The following TRA2B variants were observed in gnomAD, a reference collection of about 807,000 sequenced individuals.
TRA2B encodes the protein transformer 2 beta homolog, also known as transformer-2 protein homolog beta.
A neutral mutation model predicts 41.7 loss-of-function variants in TRA2B; 14 were observed. The observed-to-expected ratio is 0.34, with a 90% CI of 0.22 to 0.53. TRA2B has a LOEUF of 0.53. TRA2B is among the 20% of genes least tolerant of loss of function. The probability of loss-of-function intolerance (pLI) is 0.95; values close to 1 mark genes in which losing one functional copy is unlikely to be tolerated. For missense variants in TRA2B, 167 were observed against 396.8 expected (o/e 0.42, Z 4.92); for synonymous variants, 130 against 128.8 (o/e 1.01, Z -0.06).
intron 1 of TRA2B, chr3:185,935,892 A>T (rs1369378853): frequency 1.0e-6 from 1 of 984,642 alleles, no homozygotes; most frequent in African/African-American, 1.8e-5. Flanking sequence ...GAAGACTCTT[A>T]TGTAAGAAAA....
rs116585101 is a variant in TRA2B, at chr3:185,937,948, C to T, written c.-88G>A. 272 of 1,525,890 alleles carry T rather than the reference C, an allele frequency of 1.8e-4. 1 individual carries two copies. In the African/African-American group the frequency reaches 3.3e-3, roughly 18 times the overall value. 94.5% of individuals were successfully genotyped at this position (1,525,890 alleles called of 1,614,324 possible). On this transcript the variant is annotated 5_prime_UTR_variant, in exon 1 of 9. Transcript: ENST00000453386. ...CCTTAAGGAGGCTCCGCCGCAGCCC[C>T]GCACGACGCGCCGGTCGCCCAGCCG...
intron 1 of TRA2B, chr3:185,935,406 G>C (rs1006859199): frequency 1.6e-4 from 153 of 985,238 alleles, no homozygotes; most frequent in Non-Finnish European, 1.8e-4. Flanking sequence ...TTCTTTAAAT[G>C]TCATTATATT....
intron 3 of TRA2B, chr3:185,924,608 T>C (rs969363355): frequency 9.2e-5 from 14 of 152,524 alleles, no homozygotes; most frequent in African/African-American, 3.4e-4. Flanking sequence ...GCTCAGGAGT[T>C]TTGAGACTAG....
At chr3:185,927,584 A>G (rs1185539774) in intron 1 of TRA2B, 1 of 152,078 alleles carries the variant, frequency 6.6e-6, no homozygotes, top group South Asian at 2.1e-4. Context: ...CAGGAAGCAA[A>G]AGAGTACAGA....
At chr3:185,931,678 C>T in intron 1 of TRA2B, 6 of 1,279,700 alleles carry the variant, frequency 4.7e-6, no homozygotes, top group South Asian at 2.6e-5. Context: ...TTTCATCTTC[C>T]CCACTTCACA....
chr3:185,921,899 C>T (rs1743758439), intron 5 of TRA2B, 112 bp downstream of exon 5: 1 of 654,764 alleles, frequency 1.5e-6, no homozygotes, highest in East Asian at 2.9e-5. Context: ...TTTAATCAAT[C>T]AACAGTCAAG....
At chr3:185,931,804 T>C (rs186122722) in intron 1 of TRA2B, 67 of 1,511,410 alleles carry the variant, frequency 4.4e-5, no homozygotes, top group Non-Finnish European at 5.7e-5. Context: ...TACTCATTTA[T>C]AAAACTTGTC....
intron 1 of TRA2B, chr3:185,936,677 T>TC: frequency 1.9e-6 from 1 of 534,730 alleles, no homozygotes; most frequent in Non-Finnish European, 2.2e-6. Flanking sequence ...TAACAAATTG[T>TC]TTTTTTTTTT....
In TRA2B at chr3:185,916,744, TTTTTC is replaced by T. The variant is rs1281078235; in HGVS notation, c.*966_*970del. On this transcript the variant is annotated 3_prime_UTR_variant, in exon 9 of 9. Coordinates refer to ENST00000453386, the MANE Select transcript of TRA2B (RefSeq NM_004593.3). ...TTCTTTGTGAACAGCTGCACCAACATTTTTCTTTTCATTTGCGTTTATTTAAACAC... is the reference window on the plus strand; with the variant it reads ...TTCTTTGTGAACAGCTGCACCAACATTTTTCATTTGCGTTTATTTAAACAC... The T allele has an allele frequency of 1.3e-5, 2 of 152,618 alleles. No individual in the cohort carries two copies. The highest frequency in any genetic ancestry group is 2.4e-5 in the African/African-American group (1 of 41,444). 9.5% of individuals were successfully genotyped at this position (152,618 alleles called of 1,614,324 possible).
chr3:185,917,783 T>G, intron 8 of TRA2B, 58 bp from the exon 9 acceptor site: 4 of 1,559,336 alleles, frequency 2.6e-6, no homozygotes, highest in Non-Finnish European at 3.5e-6. Context: ...TCAAGTATAC[T>G]TTAATGCCGA....
chr3:185,929,271 C>A (rs1218819447), intron 1 of TRA2B, among the ~76,000 whole-genome samples: 1 of 152,124 alleles, frequency 6.6e-6, no homozygotes, highest in African/African-American at 2.4e-5. Context: ...AACTTGCCTA[C>A]AAGAAATAAG....
rs1441153790 is a variant in TRA2B at position 185,923,811 on chromosome 3, T to C, written c.507A>G (p.Val169=). The C allele has an allele frequency of 1.9e-6, 3 of 1,610,704 alleles. No homozygotes were observed. The highest frequency in any genetic ancestry group is 1.7e-5 in the Admixed American group (1 of 59,146). The change falls in exon 4 of 9, where the codon GTA becomes GTG. Residue 169 remains valine, a synonymous_variant. Transcript: ENST00000453386. The part of the protein sequence containing the change: ...RGFAFVYFEN[V]DDAKEAKERA... Reference sequence around the variant, plus strand: ...TTTTACTTACTTCCTTGGCATCATCTACATTTTCAAAATATACAAAGGCAA... The same window carrying C: ...TTTTACTTACTTCCTTGGCATCATCCACATTTTCAAAATATACAAAGGCAA...
intron 1 of TRA2B, among the ~76,000 whole-genome samples, chr3:185,933,932 T>A (rs548097257): frequency 6.6e-6 from 1 of 152,224 alleles, no homozygotes; most frequent in South Asian, 2.1e-4. Flanking sequence ...AGGGGCCCCT[T>A]ATCCAAACTG....
Position 185,926,572 on chromosome 3 carries a change from CGAGGAAATCTCAA to C in TRA2B, c.170+16_170+28del, listed in dbSNP as rs1743962121. ...GCACCAATTTCAGAGCTAAGAGTAA[CGAGGAAATCTCAA>C]GACAGTCTTTCTTACCTAGATTCAG... On this transcript the variant is annotated intron_variant, in intron 2 of 8. Coordinates refer to ENST00000453386, the MANE Select transcript of TRA2B (RefSeq NM_004593.3). The C allele has an allele frequency of 6.2e-7, 1 of 1,612,336 alleles. No individual in the cohort carries two copies. The highest frequency in any genetic ancestry group is 1.3e-5 in the African/African-American group (1 of 74,834).
intron 6 of TRA2B, among the ~76,000 whole-genome samples, chr3:185,920,086 A>G (rs1470435337): frequency 1.3e-5 from 2 of 152,194 alleles, no homozygotes; most frequent in African/African-American, 4.8e-5. Context: ...TTTTTAAACT[A>G]TGATTGACAT....
chr3:185,937,203 G>A lies in TRA2B; in HGVS notation c.36+622C>T, dbSNP rs1744395998. ...CTCACGCAATCCCCTCCACCTAACG[G>A]GCCCAGAACTTAGTCGGCCTTGGAT... On this transcript the variant is annotated intron_variant, in intron 1 of 8. Coordinates refer to ENST00000453386, the MANE Select transcript of TRA2B (RefSeq NM_004593.3). 5 of 985,500 alleles carry A rather than the reference G, an allele frequency of 5.1e-6. No individual in the cohort carries two copies. In the South Asian group the frequency reaches 1.4e-4, roughly 28 times the overall value. 61.0% of individuals were successfully genotyped at this position (985,500 alleles called of 1,614,324 possible). A position where few individuals can be genotyped will look rare whatever the true frequency, so the allele number is the denominator to read the frequency against.
rs1364224258 is a variant in TRA2B, at chr3:185,917,716, T to C, written c.866A>G (p.Ter289=). 1 of 1,613,518 alleles carries C rather than the reference T, an allele frequency of 6.2e-7. No individual in the cohort carries two copies. The highest frequency in any genetic ancestry group is 1.1e-5 in the South Asian group (1 of 91,008). ...CAGGTTTCAGAAAGTCTTCATGCTT[T>C]AATAGCGACCTGGGAAGAAAAGAAT... is the stretch of plus-strand genomic sequence containing the variant. ...RSRSYSPRRY[*] The change falls in exon 9 of 9, where the codon TAA becomes TGA. Residue 289 remains the stop codon, a stop_retained_variant. Transcript: ENST00000453386.
In TRA2B at chr3:185,916,348, C is replaced by T. The variant is rs1302385232; in HGVS notation, c.*1367G>A. The T allele has an allele frequency of 6.6e-6, 1 of 152,142 alleles. No individual in the cohort carries two copies. Among genetic ancestry groups the T allele is most frequent in the Non-Finnish European group, 1.5e-5 (1 of 68,020 alleles). The allele number at this position is 152,142 out of a possible 1,614,324, so 9.4% of individuals were successfully genotyped here. A position where few individuals can be genotyped will look rare whatever the true frequency, so the allele number is the denominator to read the frequency against. On this transcript the variant is annotated 3_prime_UTR_variant, in exon 9 of 9. Transcript: ENST00000453386. ...TAAGTTACTCTACATCATTTCATTG[C>T]TAAAGATTATATGTAAAGTTCTTCC...
intron 4 of TRA2B, chr3:185,922,398 T>C (rs1743776101): frequency 3.8e-6 from 1 of 260,126 alleles, no homozygotes; most frequent in African/African-American, 2.2e-5. Context: ...ATTGGCAAAC[T>C]ATAGCCTGTA....
Sources: gnomAD v4.1 joint callset for allele counts (sites outside exome capture counted in the v4.1 genomes callset) on GRCh38, gnomAD v4.1.1 for gene constraint, MANE v1.5 for transcripts, NCBI Gene and HGNC (gene_info 2026-07-23, HGNC 2026-07-21) for gene names.